The following SGCZ variants were observed in gnomAD, a reference collection of about 807,000 sequenced individuals.
SGCZ encodes the protein sarcoglycan zeta, also known as zeta-sarcoglycan.
Under a neutral mutation model 41.3 loss-of-function variants are expected in SGCZ, and 40 were observed. The observed-to-expected ratio is 0.97, with a 90% CI of 0.75 to 1.26. SGCZ has a LOEUF of 1.26. Ranked by LOEUF, SGCZ falls within the 50% of genes most tolerant of loss-of-function variation. The probability of loss-of-function intolerance (pLI) is 0.00; values close to 1 mark genes in which losing one functional copy is unlikely to be tolerated. For missense variants in SGCZ, 552 were observed against 369.8 expected (o/e 1.49, Z -4.04); for synonymous variants, 206 against 137.5 (o/e 1.50, Z -3.49).
intron 1 of SGCZ, among the ~76,000 whole-genome samples, chr8:14,818,281 A>G (rs1801967212): frequency 6.6e-6 from 1 of 152,178 alleles, no homozygotes; most frequent in African/African-American, 2.4e-5. Flanking sequence ...CCTGACGACT[A>G]ACCTGATACT....
chr8:14,212,606 T>C (rs1399506254), intron 4 of SGCZ, among the ~76,000 whole-genome samples: 1 of 151,682 alleles, frequency 6.6e-6, no homozygotes, highest in Non-Finnish European at 1.5e-5. Flanking sequence ...AAGATTTCAA[T>C]AGGATCAAGA....
At chr8:14,801,835 G>C (rs1237951722) in intron 1 of SGCZ, among the ~76,000 whole-genome samples, 2 of 131,214 alleles carry the variant, frequency 1.5e-5, no homozygotes, top group East Asian at 2.6e-4. Flanking sequence ...AAATATACAA[G>C]AGGATGGTTA....
intron 1 of SGCZ, among the ~76,000 whole-genome samples, chr8:14,893,748 A>G (rs1239343320): frequency 6.6e-6 from 1 of 152,210 alleles, no homozygotes; most frequent in Admixed American, 6.5e-5. Flanking sequence ...TACCAAAGTC[A>G]CAGAGACTCT....
At chr8:14,533,827 G>T (rs536525654) in intron 2 of SGCZ, among the ~76,000 whole-genome samples, 1 of 152,012 alleles carries the variant, frequency 6.6e-6, no homozygotes, top group Non-Finnish European at 1.5e-5. Context: ...AGTTTTGGAA[G>T]AATTTCTGGG....
Position 14,147,306 on chromosome 8 carries a change from T to C in SGCZ, c.547+17274A>G, listed in dbSNP as rs187865143. 5.0e-3 allele frequency among the ~76,000 whole-genome samples: 762 copies of C among 152,148 alleles called. 1 individual carries two copies. The highest frequency in any genetic ancestry group is 7.0e-3 in the Non-Finnish European group (475 of 67,984). On this transcript the variant is annotated intron_variant, in intron 5 of 7. Coordinates refer to ENST00000382080, the MANE Select transcript of SGCZ (RefSeq NM_139167.4). ...TGAAAAAACAGGACCCAATGATCTA[T>C]TGCCTCCAAGAAACACACTTGACCT...
chr8:15,186,024 C>T (rs969399104), intron 1 of SGCZ, among the ~76,000 whole-genome samples: 77 of 150,124 alleles, frequency 5.1e-4, no homozygotes, highest in African/African-American at 1.9e-3. Context: ...GGAGATGAGA[C>T]CATCCTGGCT....
chr8:14,639,868 A>AAGTC (rs1806965777), intron 1 of SGCZ, among the ~76,000 whole-genome samples: 2 of 151,606 alleles, frequency 1.3e-5, no homozygotes, highest in African/African-American at 4.8e-5. Flanking sequence ...TTTGTTATTA[A>AAGTC]AGTCAATCAA....
At chr8:15,232,957 T>C (rs549012874) in intron 1 of SGCZ, among the ~76,000 whole-genome samples, 6 of 151,796 alleles carry the variant, frequency 4.0e-5, no homozygotes, top group African/African-American at 1.4e-4. Context: ...CATAAATGTA[T>C]ACAGTTGTAG....
intron 4 of SGCZ, among the ~76,000 whole-genome samples, chr8:14,226,971 G>A (rs546509131): frequency 6.6e-6 from 1 of 152,134 alleles, no homozygotes; most frequent in Admixed American, 6.6e-5. Flanking sequence ...TAATATTGAA[G>A]GCTTTCTTCC....
intron 2 of SGCZ, among the ~76,000 whole-genome samples, chr8:14,330,900 T>C (rs1436410503): frequency 6.6e-6 from 1 of 151,936 alleles, no homozygotes; most frequent in Admixed American, 6.5e-5. Flanking sequence ...TCAAACAAAA[T>C]TGAAGGACTC....
At chr8:14,522,676 C>G (rs1260861622) in intron 2 of SGCZ, among the ~76,000 whole-genome samples, 1 of 151,536 alleles carries the variant, frequency 6.6e-6, no homozygotes, top group East Asian at 1.9e-4. Context: ...ATACAACTGT[C>G]TTTTCATTTG....
At chr8:14,575,381 G>A (rs1804675849) in intron 1 of SGCZ, among the ~76,000 whole-genome samples, 1 of 152,174 alleles carries the variant, frequency 6.6e-6, no homozygotes, top group African/African-American at 2.4e-5. Flanking sequence ...GTGTCCATAT[G>A]AATTAGTACC....
At chr8:14,872,769 T>C (rs747161066) in intron 1 of SGCZ, among the ~76,000 whole-genome samples, 5 of 152,294 alleles carry the variant, frequency 3.3e-5, no homozygotes, top group African/African-American at 4.8e-5. Context: ...ATTGAGTTAA[T>C]TGTAAGCTCC....
At chr8:14,173,167 GA>G (rs1296442208) in intron 4 of SGCZ, among the ~76,000 whole-genome samples, 1 of 126,972 alleles carries the variant, frequency 7.9e-6, no homozygotes, top group African/African-American at 2.5e-5. Context: ...CCTGCTTTGA[GA>G]GTTTTTTTTT....
chr8:14,596,929 C>G (rs541833902), intron 1 of SGCZ, among the ~76,000 whole-genome samples: 20 of 152,110 alleles, frequency 1.3e-4, no homozygotes, highest in African/African-American at 4.8e-4. Context: ...AACAAACAAA[C>G]AAACAGCAAC....
rs141848009 is a variant in SGCZ at position 15,108,646 on chromosome 8, C to T, written c.39+128939G>A. Among the ~76,000 whole-genome samples the T allele has an allele frequency of 2.4e-4, 36 of 152,246 alleles. 1 individual carries two copies. Among genetic ancestry groups the T allele is most frequent in the African/African-American group, 7.9e-4 (33 of 41,542 alleles). On this transcript the variant is annotated intron_variant, in intron 1 of 7. Coordinates refer to ENST00000382080, the MANE Select transcript of SGCZ (RefSeq NM_139167.4). ...GGTTTAAATTCTAGCCCCAGAGCTA[C>T]GCATATGGTGTGTGTGACCCATCTC...
Position 14,826,692 on chromosome 8 carries a change from G to A in SGCZ, c.40-271766C>T, listed in dbSNP as rs1585296158. On this transcript the variant is annotated intron_variant, in intron 1 of 7. Coordinates refer to ENST00000382080, the MANE Select transcript of SGCZ (RefSeq NM_139167.4). ...CATTTCTCTGATAGCCAGTGATGAT[G>A]AGCATTTTTTCATGTGTCTTTTGGC... Among the ~76,000 whole-genome samples, 5 of 152,210 alleles carry A rather than the reference G, an allele frequency of 3.3e-5. No homozygotes were observed. In the South Asian group the frequency reaches 6.2e-4, roughly 19 times the overall value.
At chr8:15,105,294 A>T (rs967363881) in intron 1 of SGCZ, among the ~76,000 whole-genome samples, 6 of 152,114 alleles carry the variant, frequency 3.9e-5, no homozygotes, top group Non-Finnish European at 8.8e-5. Context: ...TATTCCCCCT[A>T]CAGATGTGTA....
chr8:14,968,338 T>G, intron 1 of SGCZ, among the ~76,000 whole-genome samples: 1 of 152,124 alleles, frequency 6.6e-6, no homozygotes, highest in Non-Finnish European at 1.5e-5. Flanking sequence ...AACCTCAGAA[T>G]TTTATGAAGA....
Sources: gnomAD v4.1 joint callset for allele counts (sites outside exome capture counted in the v4.1 genomes callset) on GRCh38, gnomAD v4.1.1 for gene constraint, MANE v1.5 for transcripts, NCBI Gene and HGNC (gene_info 2026-07-23, HGNC 2026-07-21) for gene names.